CNTLN: variants seen among roughly 807,000 people sequenced by gnomAD.
The protein encoded by CNTLN is centlein, centrosomal protein.
In CNTLN, 212 loss-of-function variants were observed where a neutral mutation model predicts 180.0. The ratio of observed to expected loss-of-function variants is 1.18; its 90% CI spans 1.05 to 1.32. The LOEUF is 1.32. Among genes scored for constraint, CNTLN ranks in the 40% most tolerant of loss-of-function variants. CNTLN has a pLI of 0.00. For synonymous variants in CNTLN, 722 were observed against 563.1 expected, an observed-to-expected ratio of 1.28 and a Z score of -3.99; for missense variants, 2,095 against 1,610.9, an observed-to-expected ratio of 1.30 and a Z score of -5.14.
Position 17,410,357 on chromosome 9 carries a change from C to T in CNTLN, c.2796+884C>T, listed in dbSNP as rs181138058. ...TTTGGAATTTTTTAGTAAATTGCCT[C>T]TTCAAGTCTCTGCCCATTTTCCAAA... On this transcript the variant is annotated intron_variant, in intron 16 of 25. Coordinates refer to ENST00000380647, the MANE Select transcript of CNTLN (RefSeq NM_017738.4). Among the ~76,000 whole-genome samples, 4 of 152,250 alleles carry T rather than the reference C, an allele frequency of 2.6e-5. No homozygotes were observed. The South Asian group carries it at 6.2e-4, about 24-fold the overall frequency.
intron 8 of CNTLN, among the ~76,000 whole-genome samples, chr9:17,321,087 C>T (rs187205778): frequency 6.6e-6 from 1 of 152,058 alleles, no homozygotes; most frequent in African/African-American, 2.4e-5. Flanking sequence ...TTTTCACTTT[C>T]ACTTTTATGT....
At chr9:17,312,365 T>TATATAATATATATATATATATATA (rs1563984878) in intron 8 of CNTLN, among the ~76,000 whole-genome samples, 5 of 7,212 alleles carry the variant, frequency 6.9e-4, no homozygotes, top group African/African-American at 1.1e-3. Flanking sequence ...ATATATATAT[T>TATATAATATATATATATATATATA]ATATATATAT....
intron 24 of CNTLN, among the ~76,000 whole-genome samples, chr9:17,486,414 T>A (rs1832889872): frequency 6.6e-6 from 1 of 152,148 alleles, no homozygotes; most frequent in Non-Finnish European, 1.5e-5. Flanking sequence ...ACATTTCAAT[T>A]CCAGAAATAT....
At chr9:17,350,475 G>A (rs1036232798) in intron 12 of CNTLN, among the ~76,000 whole-genome samples, 5 of 152,150 alleles carry the variant, frequency 3.3e-5, no homozygotes, top group African/African-American at 9.7e-5. Flanking sequence ...GCAAAAGTGT[G>A]ATTAAAAGCA....
downstream of CNTLN, among the ~76,000 whole-genome samples, chr9:17,506,613 C>G (rs1164509532): frequency 6.6e-6 from 1 of 152,108 alleles, no homozygotes; most frequent in South Asian, 2.1e-4. Context: ...CCATATTATG[C>G]AGGATTCTTC....
intron 5 of CNTLN, among the ~76,000 whole-genome samples, chr9:17,270,650 C>T (rs1296914409): frequency 1.3e-5 from 2 of 152,174 alleles, no homozygotes; most frequent in South Asian, 4.1e-4. Flanking sequence ...TAATGTTTCT[C>T]ACAAGATGGG....
chr9:17,269,013 C>G lies in CNTLN; in HGVS notation c.850-4720C>G, dbSNP rs10962985. ...GAGTTAGGCCATGCCTCGCCCTGCT[C>G]TGGCTAGCGCACGGTGCGCTGCACC... On this transcript the variant is annotated intron_variant, in intron 5 of 25. Transcript: ENST00000380647. Among the ~76,000 whole-genome samples, 6 of 151,874 alleles carry G rather than the reference C, an allele frequency of 4.0e-5. No individual in the cohort carries two copies. In the East Asian group the frequency reaches 5.8e-4, roughly 15 times the overall value.
Position 17,329,555 on chromosome 9 carries a change from G to C in CNTLN, c.1342-1077G>C, listed in dbSNP as rs536976122. 3.3e-5 allele frequency among the ~76,000 whole-genome samples: 5 copies of C among 152,010 alleles called. No individual in the cohort carries two copies. In the South Asian group the frequency reaches 1.0e-3, roughly 32 times the overall value. On this transcript the variant is annotated intron_variant, in intron 8 of 25. Transcript: ENST00000380647. ...TAGAATAAAGGTTGGAAACAAATGAGGTGATTTAAATATGAGAAAAGTGTA... is the reference window on the plus strand; with the variant it reads ...TAGAATAAAGGTTGGAAACAAATGACGTGATTTAAATATGAGAAAAGTGTA...
intron 2 of CNTLN, among the ~76,000 whole-genome samples, chr9:17,154,644 T>G (rs1253622874): frequency 2.0e-5 from 3 of 152,188 alleles, no homozygotes; most frequent in Non-Finnish European, 2.9e-5. Context: ...CTTGGAGAAC[T>G]TCTCTGTCTA....
intron 18 of CNTLN, among the ~76,000 whole-genome samples, chr9:17,435,959 T>G (rs553423363): frequency 3.2e-4 from 48 of 152,284 alleles, no homozygotes; most frequent in Non-Finnish European, 5.9e-4. Context: ...TCCAGATCTT[T>G]ATATTAGAAT....
intron 14 of CNTLN, among the ~76,000 whole-genome samples, chr9:17,390,256 T>TTTTTC (rs35649274): frequency 6.8e-6 from 1 of 147,170 alleles, no homozygotes; most frequent in African/African-American, 2.5e-5. Flanking sequence ...TTTTTTTTTT[T>TTTTTC]GGAGACAGAG....
At chr9:17,392,587 T>C (rs938957411) in intron 14 of CNTLN, among the ~76,000 whole-genome samples, 1 of 152,192 alleles carries the variant, frequency 6.6e-6, no homozygotes, top group Non-Finnish European at 1.5e-5. Context: ...TACAATAGTT[T>C]GAGACAAAAT....
intron 5 of CNTLN, among the ~76,000 whole-genome samples, chr9:17,271,656 C>G (rs1463366604): frequency 1.3e-5 from 2 of 152,122 alleles, no homozygotes; most frequent in African/African-American, 4.8e-5. Context: ...CCATTCACCT[C>G]TTTGCTCCCA....
rs570762959 is a variant in CNTLN, at chr9:17,287,190, T to A, written c.984-11000T>A. 2.6e-3 allele frequency among the ~76,000 whole-genome samples: 398 copies of A among 151,098 alleles called. 2 individuals carry two copies. The highest frequency in any genetic ancestry group is 4.9e-3 in the Non-Finnish European group (331 of 67,940). On this transcript the variant is annotated intron_variant, in intron 6 of 25. Transcript: ENST00000380647. ...TTTTGAAATACGTCCCATCAATACC[T>A]AATTTATTGAGAGTTTTTAGCATGA...
rs564476348 is a variant in CNTLN, at chr9:17,499,216, A to T, written c.4120-3335A>T. On this transcript the variant is annotated intron_variant, in intron 25 of 25. Coordinates refer to ENST00000380647, the MANE Select transcript of CNTLN (RefSeq NM_017738.4). ...ACCTAGAGCTACATGCTGAGAATTG[A>T]TGTTCATGTGGTACTATAAGATTTT... Among the ~76,000 whole-genome samples, 7 of 152,308 alleles carry T rather than the reference A, an allele frequency of 4.6e-5. No individual in the cohort carries two copies. The South Asian group carries it at 1.4e-3, about 32-fold the overall frequency.
At position 17,359,735 on chromosome 9, in the gene CNTLN, A is replaced by AC. The variant is rs1564027290; in HGVS notation, c.1887-6882_1887-6881insC. Among the ~76,000 whole-genome samples the AC allele has an allele frequency of 5.7e-3, 629 of 111,238 alleles. 22 individuals are homozygous for AC. The highest frequency in any genetic ancestry group is 0.021 in the African/African-American group (607 of 28,948). The allele number at this position is 111,238 out of a possible 152,430, so 73.0% of individuals were successfully genotyped here. ...TCTATACTAAAAATACAAAAAAAAA[A>AC]AAAAAAAAAAAAAAACTAGCTGGGT... On this transcript the variant is annotated intron_variant, in intron 12 of 25. Transcript: ENST00000380647.
At chr9:17,462,871 C>G (rs1447691180) in intron 19 of CNTLN, 45 bp from the exon 20 acceptor site, 3 of 1,041,154 alleles carry the variant, frequency 2.9e-6, no homozygotes, top group Non-Finnish European at 4.1e-6. Flanking sequence ...TGCCTTAGAC[C>G]AAGGTTGTAA....
chr9:17,429,407 C>G (rs1328338482), intron 18 of CNTLN, among the ~76,000 whole-genome samples: 1 of 151,838 alleles, frequency 6.6e-6, no homozygotes, highest in African/African-American at 2.4e-5. Context: ...CTTAAAGTAC[C>G]CATGGGAACA....
chr9:17,226,123 G>T, intron 2 of CNTLN, 80 bp from the exon 3 acceptor site: 1 of 661,612 alleles, frequency 1.5e-6, no homozygotes, highest in Non-Finnish European at 2.5e-6. Flanking sequence ...ATTTTAAAGT[G>T]ATATTAATAT....
Sources: gnomAD v4.1 joint callset for allele counts (sites outside exome capture counted in the v4.1 genomes callset) on GRCh38, gnomAD v4.1.1 for gene constraint, MANE v1.5 for transcripts, NCBI Gene and HGNC (gene_info 2026-07-23, HGNC 2026-07-21) for gene names.